Variants in WDR20 observed in about 807,000 individuals in gnomAD.
WDR20 encodes the protein WD repeat domain 20, also known as WD repeat-containing protein 20.
WDR20 carries 3 observed loss-of-function variants against 38.7 expected under a neutral mutation model. The ratio of observed to expected loss-of-function variants is 0.08; its 90% confidence interval spans 0.04 to 0.20. The LOEUF (loss-of-function observed/expected upper bound fraction) is 0.20. Among genes scored for constraint, WDR20 ranks in the 10% least tolerant of loss-of-function variants. The probability of loss-of-function intolerance (pLI) is 1.00; values close to 1 mark genes in which losing one functional copy is unlikely to be tolerated. For missense variants in WDR20, 559 were observed against 727.7 expected (o/e 0.77, Z 2.67); for synonymous variants, 298 against 285.6 (o/e 1.04, Z -0.44).
chr14:102,213,156 T>C, downstream of WDR20: 1 of 985,868 alleles, frequency 1.0e-6, no homozygotes, highest in Non-Finnish European at 1.2e-6. Context: ...AGATTTGTGC[T>C]GTGACTGCGA....
chr14:102,195,170 C>A lies in WDR20; in HGVS notation c.432+50C>A, dbSNP rs759263130. The A allele has an allele frequency of 3.2e-6, 5 of 1,578,652 alleles. No individual in the cohort carries two copies. The East Asian group carries it at 6.7e-5, about 21-fold the overall frequency. On this transcript the variant is annotated intron_variant, in intron 2 of 2. Coordinates refer to ENST00000342702, the MANE Select transcript of WDR20 (RefSeq NM_144574.4). Reference sequence around the variant, plus strand: ...TTAAGAATCCCTTTAAGAGTTGATACATTCTTACCGAGGGTAGTCGGCCTT... The same window carrying A: ...TTAAGAATCCCTTTAAGAGTTGATAAATTCTTACCGAGGGTAGTCGGCCTT...
intron 2 of WDR20, among the ~76,000 whole-genome samples, chr14:102,204,566 C>CTGGA (rs1160294482): frequency 1.3e-5 from 2 of 152,128 alleles, no homozygotes; most frequent in Non-Finnish European, 2.9e-5. Flanking sequence ...GCACTCAATA[C>CTGGA]TGGATGGATG....
chr14:102,159,742 G>A (rs568417335), intron 1 of WDR20, among the ~76,000 whole-genome samples: 2 of 152,056 alleles, frequency 1.3e-5, no homozygotes, highest in Non-Finnish European at 2.9e-5. Flanking sequence ...GCTGAGGTGG[G>A]AGGATCATTT....
chr14:102,172,531 G>C (rs2165972), intron 1 of WDR20, among the ~76,000 whole-genome samples: 37,622 of 137,678 alleles, frequency 0.27, 3,840 homozygotes, highest in Admixed American at 0.37. Flanking sequence ...CTGGCCGGGC[G>C]GGGGGCTGAC....
intron 1 of WDR20, among the ~76,000 whole-genome samples, chr14:102,177,146 ATC>A (rs773712241): frequency 6.6e-6 from 1 of 152,146 alleles, no homozygotes. Flanking sequence ...CCTCTTCAAA[ATC>A]TCTCTATCAT....
chr14:102,188,712 TAAAA>T (rs890250596), intron 1 of WDR20, among the ~76,000 whole-genome samples: 2 of 141,876 alleles, frequency 1.4e-5, no homozygotes. Context: ...TACAGAAAAT[TAAAA>T]AAAAAAAATT....
chr14:102,161,384 G>T (rs1268275751), intron 1 of WDR20, among the ~76,000 whole-genome samples: 16 of 150,148 alleles, frequency 1.1e-4, no homozygotes, highest in Non-Finnish European at 5.9e-5. Context: ...TGCGATCATG[G>T]CTTACTGTAG....
At chr14:102,210,740 G>A (rs1238926208), downstream of WDR20, among the ~76,000 whole-genome samples, 2 of 152,008 alleles carry the variant, frequency 1.3e-5, no homozygotes, top group Admixed American at 6.5e-5. Context: ...TGCCGGGGGC[G>A]GGGAGGTGCG....
chr14:102,153,940 C>T (rs797019549), intron 1 of WDR20, among the ~76,000 whole-genome samples: 19 of 152,352 alleles, frequency 1.2e-4, no homozygotes, highest in African/African-American at 4.6e-4. Context: ...AATCCCAGCA[C>T]TTTGGGATGC....
chr14:102,172,731 G>A (rs1205358610), intron 1 of WDR20, among the ~76,000 whole-genome samples: 3 of 149,842 alleles, frequency 2.0e-5, no homozygotes, highest in Non-Finnish European at 4.5e-5. Flanking sequence ...CCTCCCTCCC[G>A]GACGGGGCGG....
chr14:102,198,183 C>T, intron 2 of WDR20: 2 of 188,058 alleles, frequency 1.1e-5, no homozygotes, highest in South Asian at 1.3e-4. Flanking sequence ...GGCTGGAGTG[C>T]AGTGGCGCAA....
chr14:102,208,682 G>A lies in WDR20; in HGVS notation c.512G>A (p.Ser171Asn), dbSNP rs745340971. 2 of 1,614,180 alleles carry A rather than the reference G, an allele frequency of 1.2e-6. No homozygotes were observed. Among genetic ancestry groups the A allele is most frequent in the South Asian group, 1.1e-5 (1 of 91,086 alleles). ...SESLFLVAHS[S>N]GNMYLYNVEH... Reference sequence around the variant, plus strand: ...AGCCTTTTCCTAGTAGCCCACTCGAGTGGGAACATGTACTTATATAATGTG... The same window carrying A: ...AGCCTTTTCCTAGTAGCCCACTCGAATGGGAACATGTACTTATATAATGTG... Residue 171 changes from serine (S) to asparagine (N), a missense_variant, in exon 3 of 3, where the codon AGT (serine) becomes AAT (asparagine). Physicochemically the swap from Ser to Asn is conservative, Grantham distance 46. Coordinates refer to ENST00000342702, the MANE Select transcript of WDR20 (RefSeq NM_144574.4). The surrounding 1 kb of genome is among the most constrained non-coding windows in gnomAD (Gnocchi z 5.6).
intron 1 of WDR20, among the ~76,000 whole-genome samples, chr14:102,165,311 T>C (rs537989109): frequency 3.9e-5 from 6 of 152,356 alleles, no homozygotes; most frequent in Non-Finnish European, 7.3e-5. Flanking sequence ...TTCATTCATA[T>C]TTTAATTTTT....
At chr14:102,215,208 G>C (rs74338219), downstream of WDR20, among the ~76,000 whole-genome samples, 157 of 152,218 alleles carry the variant, frequency 1.0e-3, no homozygotes, top group African/African-American at 3.7e-3. Context: ...CTGCGTCTCA[G>C]ATACTGTTTT....
At position 102,222,445 on chromosome 14, in the gene WDR20, G is replaced by A. The variant is rs923959432; in HGVS notation, c.1693-385G>A. ...GACTGGGTGTGCGGTCCAGAACTGCGGTGCCCTGGGCTCAACCCTGGCTGA... is the reference window on the plus strand; with the variant it reads ...GACTGGGTGTGCGGTCCAGAACTGCAGTGCCCTGGGCTCAACCCTGGCTGA... On this transcript the variant is annotated intron_variant, in intron 3 of 3. Coordinates refer to the WDR20 transcript ENST00000335263. The surrounding 1 kb of genome is among the most constrained non-coding windows in gnomAD (Gnocchi z 4.4). 6.6e-6 allele frequency among the ~76,000 whole-genome samples: 1 copy of A among 152,182 alleles called. No homozygotes were observed. The highest frequency in any genetic ancestry group is 2.4e-5 in the African/African-American group (1 of 41,442).
chr14:102,195,309 G>A (rs1226097814), intron 2 of WDR20, among the ~76,000 whole-genome samples, 189 bp downstream of exon 2: 1 of 152,134 alleles, frequency 6.6e-6, no homozygotes, highest in Non-Finnish European at 1.5e-5. Flanking sequence ...TCCTTGGGGT[G>A]ACTGTTTTGT....
At chr14:102,186,479 A>T (rs185468380) in intron 1 of WDR20, among the ~76,000 whole-genome samples, 1 of 152,192 alleles carries the variant, frequency 6.6e-6, no homozygotes, top group Non-Finnish European at 1.5e-5. Context: ...GCTTTGTTCA[A>T]AAGGTGAATA....
chr14:102,152,943 C>G (rs1033143262), intron 1 of WDR20, among the ~76,000 whole-genome samples: 4 of 152,136 alleles, frequency 2.6e-5, no homozygotes, highest in Admixed American at 2.6e-4. Flanking sequence ...GACTAGGAGT[C>G]TCATTGGGAG....
rs533008858 is a variant in WDR20 at position 102,209,990 on chromosome 14, C to G, written c.*110C>G. 1.4e-3 allele frequency: 2,044 copies of G among 1,472,332 alleles called. 56 individuals carry two copies. The South Asian group carries it at 0.028, about 20-fold the overall frequency. 91.2% of individuals were successfully genotyped at this position (1,472,332 alleles called of 1,614,324 possible). ...CACTTCTTATTCTTAATGTAAATCT[C>G]AATGCATCAGAGCCATAATTTTGGA... On this transcript the variant is annotated 3_prime_UTR_variant, in exon 3 of 3. Transcript: ENST00000342702. This position sits in a 1 kb window ranked among gnomAD's most constrained non-coding sequence, Gnocchi z 6.0.
Sources: allele counts gnomAD v4.1 joint callset (sites outside exome capture counted in the v4.1 genomes callset), GRCh38; gene constraint gnomAD v4.1.1; non-coding constraint Gnocchi (gnomAD v3.1); transcripts MANE v1.5; gene names NCBI Gene and HGNC (gene_info 2026-07-23, HGNC 2026-07-21).